Variants in TRAF3IP1 observed in about 807,000 individuals in gnomAD.
TRAF3IP1 encodes the protein intraflagellar transport 54.
TRAF3IP1 carries 53 observed loss-of-function variants against 89.9 expected under a neutral mutation model. The observed-to-expected ratio is 0.59, with a 90% CI of 0.47 to 0.74. The LOEUF is 0.74. Ranked by LOEUF, TRAF3IP1 falls within the 30% of genes least tolerant of loss-of-function variation. TRAF3IP1 has a pLI of 0.00. For missense variants in TRAF3IP1, 806 were observed against 866.1 expected (o/e 0.93, Z 0.87); for synonymous variants, 311 against 322.1 (o/e 0.97, Z 0.37).
chr2:238,350,266 T>A (rs1010693919), intron 12 of TRAF3IP1, among the ~76,000 whole-genome samples: 4 of 152,050 alleles, frequency 2.6e-5, no homozygotes, highest in African/African-American at 9.7e-5. Context: ...ATTATTTTTC[T>A]AATGACGGGA....
chr2:238,358,209 C>T (rs2106334126), intron 15 of TRAF3IP1, among the ~76,000 whole-genome samples: 1 of 151,618 alleles, frequency 6.6e-6, no homozygotes, highest in Middle Eastern at 3.4e-3. Flanking sequence ...CTCCCGGATT[C>T]ACGCCATTCT....
intron 15 of TRAF3IP1, among the ~76,000 whole-genome samples, chr2:238,380,956 T>C (rs1017752816): frequency 3.3e-5 from 5 of 152,162 alleles, no homozygotes; most frequent in Admixed American, 2.6e-4. Context: ...TTAAGTTCTT[T>C]TGAGTGCTTG....
At chr2:238,369,090 G>A (rs1333190333) in intron 15 of TRAF3IP1, among the ~76,000 whole-genome samples, 1 of 152,014 alleles carries the variant, frequency 6.6e-6, no homozygotes, top group Non-Finnish European at 1.5e-5. Context: ...TTCTGACTGG[G>A]TTTCTAGGTA....
At chr2:238,350,846 G>A (rs577304998) in intron 12 of TRAF3IP1, among the ~76,000 whole-genome samples, 20 of 152,256 alleles carry the variant, frequency 1.3e-4, no homozygotes, top group Middle Eastern at 3.4e-3. Flanking sequence ...GGCACAGGCT[G>A]TATTAAACAG....
chr2:238,391,129 AT>A (rs1284605467), intron 15 of TRAF3IP1, among the ~76,000 whole-genome samples: 1 of 151,368 alleles, frequency 6.6e-6, no homozygotes, highest in Non-Finnish European at 1.5e-5. Flanking sequence ...TAATTTTTGT[AT>A]TTTTTTTGTA....
At chr2:238,344,450 C>G in intron 8 of TRAF3IP1, 47 bp from the exon 9 acceptor site, 1 of 1,481,888 alleles carries the variant, frequency 6.7e-7, no homozygotes, top group Non-Finnish European at 9.4e-7. Context: ...ATCACCGGCC[C>G]TTTGGTGTAC....
intron 16 of TRAF3IP1, among the ~76,000 whole-genome samples, chr2:238,398,402 C>T (rs987804862): frequency 1.3e-5 from 1 of 76,338 alleles, no homozygotes; most frequent in Non-Finnish European, 2.5e-5. Flanking sequence ...CGGAGTGGGG[C>T]AGTAATGGGG....
chr2:238,326,941 C>T (rs1054178729), intron 3 of TRAF3IP1, among the ~76,000 whole-genome samples: 8 of 152,176 alleles, frequency 5.3e-5, no homozygotes, highest in African/African-American at 1.4e-4. Flanking sequence ...CTCCCCTTCC[C>T]GGGTCCTTTA....
intron 9 of TRAF3IP1, 31 bp downstream of exon 9, chr2:238,344,629 G>A (rs1306804448): frequency 1.3e-6 from 2 of 1,595,988 alleles, no homozygotes; most frequent in South Asian, 2.2e-5. Context: ...CCCTTTCCTG[G>A]CGAGAGCAGA....
intron 15 of TRAF3IP1, among the ~76,000 whole-genome samples, chr2:238,393,754 C>G (rs1701094316): frequency 6.6e-6 from 1 of 152,224 alleles, no homozygotes; most frequent in Non-Finnish European, 1.5e-5. Flanking sequence ...GTGCAAAGCT[C>G]TCTCTGCCAC....
chr2:238,334,078 G>GTTTTTTTTTTTTTTTTTTTTT, intron 7 of TRAF3IP1, 43 bp downstream of exon 7: 1 of 1,089,384 alleles, frequency 9.2e-7, no homozygotes. Context: ...ATGGATATTA[G>GTTTTTTTTTTTTTTTTTTTTT]TTTTTTTTTT....
intron 13 of TRAF3IP1, 48 bp downstream of exon 13, chr2:238,352,998 C>T (rs781427055): frequency 1.9e-6 from 3 of 1,570,384 alleles, no homozygotes; most frequent in Non-Finnish European, 2.6e-6. Context: ...GTTTTACCTT[C>T]ATTGAGATTA....
chr2:238,363,056 T>C (rs1308687034), intron 15 of TRAF3IP1, among the ~76,000 whole-genome samples: 1 of 152,258 alleles, frequency 6.6e-6, no homozygotes, highest in South Asian at 2.1e-4. Flanking sequence ...ACTTAGTTTT[T>C]CTTTTCTTCC....
chr2:238,373,869 C>T (rs1256977069), intron 15 of TRAF3IP1, among the ~76,000 whole-genome samples: 1 of 152,022 alleles, frequency 6.6e-6, no homozygotes, highest in Non-Finnish European at 1.5e-5. Context: ...AGTTGGATTC[C>T]TAGGTATTTT....
intron 9 of TRAF3IP1, 29 bp downstream of exon 9, chr2:238,344,627 T>C (rs1452341658): frequency 6.3e-7 from 1 of 1,592,712 alleles, no homozygotes. Flanking sequence ...CGCCCTTTCC[T>C]GGCGAGAGCA....
chr2:238,342,113 T>C (rs1295106998), intron 8 of TRAF3IP1, among the ~76,000 whole-genome samples: 1 of 152,062 alleles, frequency 6.6e-6, no homozygotes, highest in African/African-American at 2.4e-5. Flanking sequence ...CTCAGCCTCC[T>C]GAGTAGCTGG....
chr2:238,349,458 T>C, intron 12 of TRAF3IP1, 50 bp downstream of exon 12: 1 of 1,560,490 alleles, frequency 6.4e-7, no homozygotes, highest in East Asian at 2.3e-5. Flanking sequence ...TGTTCTCCAG[T>C]GGGCATGGTG....
intron 8 of TRAF3IP1, among the ~76,000 whole-genome samples, chr2:238,340,868 C>G (rs1371283909): frequency 9.0e-4 from 128 of 142,264 alleles, no homozygotes; most frequent in African/African-American, 3.3e-3. Context: ...GACAGAGAGA[C>G]AGAGACAGAG....
At chr2:238,328,443 C>T (rs1485322158) in intron 3 of TRAF3IP1, among the ~76,000 whole-genome samples, 1 of 152,164 alleles carries the variant, frequency 6.6e-6, no homozygotes, top group African/African-American at 2.4e-5. Context: ...AGACTTGAAC[C>T]AGGATTCATT....
Sources: allele counts gnomAD v4.1 joint callset (sites outside exome capture counted in the v4.1 genomes callset), GRCh38; gene constraint gnomAD v4.1.1; transcripts MANE v1.5; gene names NCBI Gene and HGNC (gene_info 2026-07-23, HGNC 2026-07-21).